Variants in CARMIL1 observed in about 807,000 individuals in gnomAD.
The protein encoded by CARMIL1 is capping protein regulator and myosin 1 linker 1.
A neutral mutation model predicts 177.1 loss-of-function variants in CARMIL1; 90 were observed. The ratio of observed to expected loss-of-function variants is 0.51; its 90% CI spans 0.43 to 0.61. The LOEUF is 0.61. Ranked by LOEUF, CARMIL1 falls within the 20% of genes least tolerant of loss-of-function variation. CARMIL1 has a pLI of 0.00. For missense variants in CARMIL1, 1,380 were observed against 1,667.0 expected (o/e 0.83, Z 3.00); for synonymous variants, 577 against 606.2 (o/e 0.95, Z 0.71).
At chr6:25,545,102 C>T (rs1437556030) in intron 26 of CARMIL1, among the ~76,000 whole-genome samples, 1 of 152,158 alleles carries the variant, frequency 6.6e-6, no homozygotes, top group Non-Finnish European at 1.5e-5. Context: ...GACTGTGTTG[C>T]TTTACACATG....
At chr6:25,604,600 C>T (rs1298324534) in intron 33 of CARMIL1, among the ~76,000 whole-genome samples, 1 of 152,152 alleles carries the variant, frequency 6.6e-6, no homozygotes, top group Non-Finnish European at 1.5e-5. Flanking sequence ...CACTTTGGAC[C>T]CCAGAGTCCT....
chr6:25,465,827 G>C (rs1405376243), intron 8 of CARMIL1, 46 bp from the exon 9 acceptor site: 1 of 1,084,350 alleles, frequency 9.2e-7, no homozygotes. Flanking sequence ...TGTCAGTGTA[G>C]CTACTGTAGG....
intron 15 of CARMIL1, among the ~76,000 whole-genome samples, chr6:25,493,440 T>C (rs1803415450): frequency 2.0e-5 from 3 of 152,236 alleles, no homozygotes; most frequent in African/African-American, 7.2e-5. Flanking sequence ...TAAGTTAGAT[T>C]GTTCCACAGT....
intron 2 of CARMIL1, among the ~76,000 whole-genome samples, chr6:25,325,272 A>C (rs922463901): frequency 1.3e-5 from 2 of 152,230 alleles, no homozygotes; most frequent in East Asian, 3.9e-4. Flanking sequence ...TATGTGAGGC[A>C]GAAGTGTATA....
intron 29 of CARMIL1, chr6:25,563,553 G>A (rs1323559299): frequency 1.0e-6 from 1 of 985,300 alleles, no homozygotes; most frequent in Non-Finnish European, 1.2e-6. Context: ...CAGAGGAGGA[G>A]GCAGTTGTAC....
At chr6:25,576,869 GTTTC>G (rs1236558106) in intron 29 of CARMIL1, 18 of 474,674 alleles carry the variant, frequency 3.8e-5, no homozygotes, top group African/African-American at 6.4e-5. Flanking sequence ...TAGCTTTTCT[GTTTC>G]TTTGTTTGTG....
At chr6:25,345,485 G>A (rs1787412095) in intron 2 of CARMIL1, among the ~76,000 whole-genome samples, 1 of 152,090 alleles carries the variant, frequency 6.6e-6, no homozygotes, top group Non-Finnish European at 1.5e-5. Flanking sequence ...TCTCTCCTGG[G>A]ATGCGTCTAA....
At chr6:25,543,470 G>A (rs773277958) in intron 26 of CARMIL1, among the ~76,000 whole-genome samples, 6 of 152,058 alleles carry the variant, frequency 3.9e-5, no homozygotes, top group Non-Finnish European at 7.4e-5. Context: ...ACACTCCCCT[G>A]TTTTCCCTCT....
intron 29 of CARMIL1, among the ~76,000 whole-genome samples, chr6:25,574,469 G>A (rs1014566987): frequency 5.3e-5 from 8 of 152,210 alleles, no homozygotes; most frequent in Admixed American, 6.5e-5. Flanking sequence ...CACAGTATGT[G>A]CTTGGTAGCA....
intron 2 of CARMIL1, among the ~76,000 whole-genome samples, chr6:25,400,926 C>T (rs763714751): frequency 3.3e-5 from 5 of 152,126 alleles, no homozygotes; most frequent in Non-Finnish European, 7.4e-5. Context: ...GAAGACCAGG[C>T]TAACCAAGCC....
chr6:25,340,011 C>G (rs531828061), intron 2 of CARMIL1, among the ~76,000 whole-genome samples: 1 of 152,174 alleles, frequency 6.6e-6, no homozygotes, highest in African/African-American at 2.4e-5. Flanking sequence ...GCATTGTTGT[C>G]GAGCATGAAG....
chr6:25,487,206 C>A (rs905973283), intron 12 of CARMIL1, among the ~76,000 whole-genome samples: 1 of 152,108 alleles, frequency 6.6e-6, no homozygotes, highest in African/African-American at 2.4e-5. Context: ...CCATACTGAA[C>A]GTTCTAAGCT....
At chr6:25,422,243 C>A (rs906468595) in intron 3 of CARMIL1, among the ~76,000 whole-genome samples, 2 of 152,060 alleles carry the variant, frequency 1.3e-5, no homozygotes, top group Non-Finnish European at 2.9e-5. Context: ...ATGTTTGGGC[C>A]GCAGTGTTAT....
intron 29 of CARMIL1, chr6:25,576,891 TC>T (rs1280107921): frequency 3.6e-6 from 2 of 560,730 alleles, no homozygotes; most frequent in Non-Finnish European, 4.5e-6. Context: ...GTGAATGGTA[TC>T]CCTCTCCCTC....
chr6:25,302,376 G>A (rs1273812399), intron 2 of CARMIL1, among the ~76,000 whole-genome samples: 1 of 152,204 alleles, frequency 6.6e-6, no homozygotes, highest in Admixed American at 6.5e-5. Context: ...GTGGTCCAGT[G>A]CTTGGTTTCA....
intron 2 of CARMIL1, among the ~76,000 whole-genome samples, chr6:25,303,364 A>G (rs1024318828): frequency 9.2e-5 from 14 of 152,344 alleles, no homozygotes; most frequent in African/African-American, 2.9e-4. Flanking sequence ...TTTAGCATAC[A>G]GATCAGAAGC....
At chr6:25,302,656 C>A (rs1782952713) in intron 2 of CARMIL1, among the ~76,000 whole-genome samples, 1 of 152,198 alleles carries the variant, frequency 6.6e-6, no homozygotes, top group Non-Finnish European at 1.5e-5. Context: ...ACTCAGCAGC[C>A]TTATCTGACA....
intron 1 of CARMIL1, 39 bp downstream of exon 1, chr6:25,279,874 G>T (rs1485823038): frequency 6.2e-7 from 1 of 1,609,402 alleles, no homozygotes; most frequent in East Asian, 2.2e-5. Context: ...ACCTTCCTCT[G>T]CGTACTCCTC....
intron 2 of CARMIL1, among the ~76,000 whole-genome samples, chr6:25,330,211 G>C (rs1785490125): frequency 6.6e-6 from 1 of 152,190 alleles, no homozygotes; most frequent in African/African-American, 2.4e-5. Context: ...GGTACTGTGC[G>C]ATTATAGACT....
Sources: gnomAD v4.1 joint callset for allele counts (sites outside exome capture counted in the v4.1 genomes callset) on GRCh38, gnomAD v4.1.1 for gene constraint, MANE v1.5 for transcripts, NCBI Gene and HGNC (gene_info 2026-07-23, HGNC 2026-07-21) for gene names.